The following ECEL1 variants were observed in gnomAD, a reference collection of about 807,000 sequenced individuals.
The protein encoded by ECEL1 is endothelin converting enzyme like 1.
In ECEL1, 87 loss-of-function variants were observed where a neutral mutation model predicts 101.8. The ratio of observed to expected loss-of-function variants is 0.85; its 90% CI spans 0.72 to 1.02. The LOEUF (loss-of-function observed/expected upper bound fraction) is 1.02, where lower values mean the gene tolerates loss of function less well. ECEL1 is among the 50% of genes least tolerant of loss of function. ECEL1 has a pLI of 0.00. For synonymous variants in ECEL1, 487 were observed against 468.7 expected (o/e 1.04, Z -0.50); for missense variants, 1,032 against 1,079.2 (o/e 0.96, Z 0.61).
intron 12 of ECEL1, 118 bp from the exon 13 acceptor site, chr2:232,481,967 A>G: frequency 7.2e-7 from 1 of 1,381,570 alleles, no homozygotes; most frequent in Non-Finnish European, 1.0e-6. Flanking sequence ...GAGGCCACAG[A>G]GGCATCCGTG....
At chr2:232,481,711 C>A in intron 13 of ECEL1, 71 bp downstream of exon 13, 1 of 1,471,666 alleles carries the variant, frequency 6.8e-7, no homozygotes. Context: ...GTTAGGCCAT[C>A]CCCTACCCTG....
rs756401706 is a variant in ECEL1 at position 232,485,884 on chromosome 2, G to C, written c.770C>G (p.Ser257Trp). Residue 257 changes from serine (S) to tryptophan (W), a missense_variant, in exon 2 of 18, where the codon TCG (serine) becomes TGG (tryptophan). By Grantham distance (177) the Ser-to-Trp change is radical. Transcript: ENST00000304546. ...CGCACTCACGCGGATGACGTAGCGC[G>C]AGGAGTTCCTGTCGTCCAGGCTGAC... ...LTVSLDDRNS[S>W]RYVIRIDQDG... is the part of the protein sequence containing the mutation. 6.4e-7 allele frequency: 1 copy of C among 1,559,826 alleles called. No homozygotes were observed. The highest frequency in any genetic ancestry group is 8.7e-7 in the Non-Finnish European group (1 of 1,155,830).
rs1053243423 is a variant in ECEL1 at position 232,479,902 on chromosome 2, C to A, written c.*251G>T. The stretch of plus-strand genomic sequence containing the variant: ...GTGGGGCCCGTACAATCCAGCCTGG[C>A]AGAGGGTCTGGCCCCCTTAGAGCAG... On this transcript the variant is annotated 3_prime_UTR_variant, in exon 18 of 18. Coordinates refer to ENST00000304546, the MANE Select transcript of ECEL1 (RefSeq NM_004826.4). 1.1e-5 allele frequency: 6 copies of A among 559,954 alleles called. No individual in the cohort carries two copies. The Admixed American group carries it at 1.9e-4, about 17-fold the overall frequency. The allele number at this position is 559,954 out of a possible 1,614,324, so 34.7% of individuals were successfully genotyped here.
Position 232,481,788 on chromosome 2 carries a change from C to A in ECEL1, c.1858G>T (p.Asp620Tyr). ...IGHELTHGYD[D>Y]WGGQYDRSGN... ...GGGCCCCAACAGGCCTCACCCCAGT[C>A]GTCGTAGCCGTGGGTCAGCTCATGT... The change falls in exon 13 of 18, where the codon GAC (aspartate) becomes TAC (tyrosine). Residue 620 changes from aspartate (D) to tyrosine (Y), a missense_variant. Transcript: ENST00000304546. The A allele has an allele frequency of 6.2e-7, 1 of 1,613,890 alleles. No homozygotes were observed. Among genetic ancestry groups the A allele is most frequent in the East Asian group, 2.2e-5 (1 of 44,864 alleles).
At position 232,486,604 on chromosome 2, in the gene ECEL1, A is replaced by G; in HGVS notation, c.50T>C (p.Val17Ala). 1.3e-6 allele frequency: 2 copies of G among 1,502,368 alleles called. No homozygotes were observed. The highest frequency in any genetic ancestry group is 1.8e-6 in the Non-Finnish European group (2 of 1,135,132). The allele number at this position is 1,502,368 out of a possible 1,614,324, so 93.1% of individuals were successfully genotyped here. ...CGCGCCGCAGCGGCTCACGTACTTG[A>G]CCTCTTGGAACTCATCGTAGTGCGC... ...LTAHYDEFQE[V>A]KYVSRCGAGG... is the part of the protein sequence containing the mutation. Residue 17 changes from valine to alanine, a missense_variant, in exon 2 of 18, where the codon GTC (valine) becomes GCC (alanine). By Grantham distance (64) the Val-to-Ala change is moderately conservative. Transcript: ENST00000304546.
chr2:232,485,825 C>G (rs750991100), intron 2 of ECEL1, 43 bp downstream of exon 2: 36 of 1,535,640 alleles, frequency 2.3e-5, no homozygotes, highest in Non-Finnish European at 3.0e-5. Flanking sequence ...CACTGCGCCC[C>G]GGATCCGCGG....
intron 2 of ECEL1, 147 bp from the exon 3 acceptor site, chr2:232,485,414 C>A: frequency 1.1e-6 from 1 of 946,628 alleles, no homozygotes; most frequent in Non-Finnish European, 1.6e-6. Flanking sequence ...CTCTTTCCAC[C>A]CAGACGAGAT....
intron 6 of ECEL1, 88 bp downstream of exon 6, chr2:232,484,384 A>G (rs1469611311): frequency 1.4e-5 from 22 of 1,582,524 alleles, no homozygotes; most frequent in Non-Finnish European, 1.8e-5. Context: ...AGAGCAGAAA[A>G]TGTAAAGCCC....
At position 232,486,389 on chromosome 2, in the gene ECEL1, C is replaced by T. The variant is rs1690729247; in HGVS notation, c.265G>A (p.Ala89Thr). The T allele has an allele frequency of 6.8e-7, 1 of 1,480,788 alleles. No individual in the cohort carries two copies. The highest frequency in any genetic ancestry group is 8.9e-7 in the Non-Finnish European group (1 of 1,127,492). The allele number at this position is 1,480,788 out of a possible 1,614,324, so 91.7% of individuals were successfully genotyped here. ...MLALKYLGPVAAGGGACPEGC... is the reference protein window; with the variant it reads ...MLALKYLGPVTAGGGACPEGC... ...TCGGGACAGGCGCCGCCGCCGGCCGCGACCGGGCCCAGGTACTTGAGGGCC... is the reference window on the plus strand; with the variant it reads ...TCGGGACAGGCGCCGCCGCCGGCCGTGACCGGGCCCAGGTACTTGAGGGCC... The change falls in exon 2 of 18, where the codon GCG becomes ACG. Residue 89 changes from alanine (A) to threonine (T), a missense_variant. Transcript: ENST00000304546.
At chr2:232,486,803 G>A in intron 1 of ECEL1, 49 bp from the exon 2 acceptor site, 1 of 849,116 alleles carries the variant, frequency 1.2e-6, no homozygotes. Context: ...GCCGGATGGG[G>A]CTCAGGGTCA....
At chr2:232,480,608 G>A in intron 16 of ECEL1, 110 bp downstream of exon 16, 6 of 1,497,130 alleles carry the variant, frequency 4.0e-6, no homozygotes, top group Non-Finnish European at 5.5e-6. Context: ...CGGGACAGGT[G>A]ATGACAGACA....
At position 232,487,770 on chromosome 2, in the gene ECEL1, G is replaced by A. The variant is rs1380102237; in HGVS notation, c.-153C>T. On this transcript the variant is annotated 5_prime_UTR_variant, in exon 1 of 18. Transcript: ENST00000304546. ...GTGACCGAGCGGGTCGGGCCCGAGC[G>A]GGGGCCTGAGCCGCAGCGCAGCCGA... is the stretch of plus-strand genomic sequence containing the variant. 2 of 150,082 alleles carry A rather than the reference G, an allele frequency of 1.3e-5. No homozygotes were observed. The highest frequency in any genetic ancestry group is 2.0e-4 in the East Asian group (1 of 5,122). The allele number at this position is 150,082 out of a possible 1,614,324, so 9.3% of individuals were successfully genotyped here.
intron 12 of ECEL1, among the ~76,000 whole-genome samples, 190 bp downstream of exon 12, chr2:232,482,228 T>A (rs1026150982): frequency 9.9e-5 from 15 of 152,046 alleles, no homozygotes; most frequent in Non-Finnish European, 2.2e-4. Flanking sequence ...AAGTTACAAA[T>A]AACAAACCTA....
intron 16 of ECEL1, 120 bp downstream of exon 16, chr2:232,480,598 C>A (rs552970094): frequency 2.7e-6 from 4 of 1,497,316 alleles, no homozygotes; most frequent in Non-Finnish European, 3.7e-6. Context: ...TCACCTCTGA[C>A]GGGACAGGTG....
At chr2:232,480,369 G>A in intron 17 of ECEL1, 30 bp downstream of exon 17, 1 of 1,613,224 alleles carries the variant, frequency 6.2e-7, no homozygotes, top group Non-Finnish European at 8.5e-7. Flanking sequence ...CACAAGGAGT[G>A]GACAAGGCCA....
rs1690537040 is a variant in ECEL1 at position 232,480,093 on chromosome 2, G to A, written c.*60C>T. On this transcript the variant is annotated 3_prime_UTR_variant, in exon 18 of 18. Coordinates refer to ENST00000304546, the MANE Select transcript of ECEL1 (RefSeq NM_004826.4). ...TGGCACCGGGTGCATGCCTGCCCCGGTAGCCAGCAGGAGGTGATTCGTGCG... is the reference window on the plus strand; with the variant it reads ...TGGCACCGGGTGCATGCCTGCCCCGATAGCCAGCAGGAGGTGATTCGTGCG... The A allele has an allele frequency of 6.4e-7, 1 of 1,559,598 alleles. No homozygotes were observed. Among genetic ancestry groups the A allele is most frequent in the Admixed American group, 1.7e-5 (1 of 59,024 alleles).
At chr2:232,480,506 G>C in intron 16 of ECEL1, 31 bp from the exon 17 acceptor site, 1 of 1,612,472 alleles carries the variant, frequency 6.2e-7, no homozygotes, top group East Asian at 2.2e-5. Flanking sequence ...GAGGGGAGGA[G>C]GGGGAGATGA....
chr2:232,485,354 G>T, intron 2 of ECEL1, 87 bp from the exon 3 acceptor site: 1 of 1,455,066 alleles, frequency 6.9e-7, no homozygotes, highest in Non-Finnish European at 9.4e-7. Context: ...TGCCCAGAGA[G>T]CAACCAGACA....
At position 232,486,202 on chromosome 2, in the gene ECEL1, G is replaced by A. The variant is rs1163247409; in HGVS notation, c.452C>T (p.Ala151Val). ...CTCCTCGTTTTGCTCGCCGATGGCCGCGATGGTGCCATAGGTGAGCTTGTC... is the reference window on the plus strand; with the variant it reads ...CTCCTCGTTTTGCTCGCCGATGGCCACGATGGTGCCATAGGTGAGCTTGTC... ...PDDKLTYGTI[A>V]AIGEQNEERL... The change falls in exon 2 of 18, where the codon GCG becomes GTG. Residue 151 changes from alanine (A) to valine (V), a missense_variant. Transcript: ENST00000304546. The A allele has an allele frequency of 2.5e-6, 4 of 1,598,198 alleles. No homozygotes were observed. The highest frequency in any genetic ancestry group is 1.4e-5 in the African/African-American group (1 of 74,006).
Sources: gnomAD v4.1 joint callset for allele counts (sites outside exome capture counted in the v4.1 genomes callset) on GRCh38, gnomAD v4.1.1 for gene constraint, MANE v1.5 for transcripts, NCBI Gene and HGNC (gene_info 2026-07-23, HGNC 2026-07-21) for gene names.